The following KIF24 variants were observed in gnomAD, a reference collection of about 807,000 sequenced individuals.
KIF24 encodes the protein kinesin family member 24.
Under a neutral mutation model 118.9 loss-of-function variants are expected in KIF24, and 81 were observed. The ratio of observed to expected loss-of-function variants is 0.68; its 90% CI spans 0.57 to 0.82. The LOEUF is 0.82. Ranked by LOEUF, KIF24 falls within the 40% of genes least tolerant of loss-of-function variation. KIF24 has a pLI of 0.00. For synonymous variants in KIF24, 599 were observed against 610.0 expected, an observed-to-expected ratio of 0.98 and a Z score of 0.27; for missense variants, 1,560 against 1,661.6, an observed-to-expected ratio of 0.94 and a Z score of 1.06.
rs200870547 is a variant in KIF24, at chr9:34,270,915, T to A, written c.1337+894A>T. Among the ~76,000 whole-genome samples, 4 of 148,258 alleles carry A rather than the reference T, an allele frequency of 2.7e-5. No individual in the cohort carries two copies. The East Asian group carries it at 8.4e-4, about 31-fold the overall frequency. ...GACAGATGTCGCAGCCAGATCTCCC[T>A]CACATCCACCCTGTCTCTTAAAAAA... is the stretch of plus-strand genomic sequence containing the variant. On this transcript the variant is annotated intron_variant, in intron 7 of 12. Coordinates refer to ENST00000402558, the MANE Select transcript of KIF24 (RefSeq NM_194313.4).
chr9:34,291,118 G>C (rs1451832697), intron 4 of KIF24, among the ~76,000 whole-genome samples: 3 of 152,170 alleles, frequency 2.0e-5, no homozygotes, highest in Non-Finnish European at 4.4e-5. Flanking sequence ...AATAACAGGA[G>C]ATCATGTGAT....
At chr9:34,262,659 A>T (rs1216337505) in intron 9 of KIF24, among the ~76,000 whole-genome samples, 3 of 37,898 alleles carry the variant, frequency 7.9e-5, no homozygotes, top group Non-Finnish European at 1.6e-4. Flanking sequence ...AAAAAAAAAA[A>T]AAAAAAAAAA....
chr9:34,267,968 T>C (rs748108580), intron 8 of KIF24, among the ~76,000 whole-genome samples: 6 of 152,050 alleles, frequency 3.9e-5, no homozygotes, highest in Admixed American at 6.6e-5. Flanking sequence ...TACACTGATA[T>C]AGAAAAAATG....
chr9:34,308,725 T>C (rs1238724643), intron 2 of KIF24, among the ~76,000 whole-genome samples: 1 of 152,204 alleles, frequency 6.6e-6, no homozygotes, highest in African/African-American at 2.4e-5. Context: ...ATGACTCATA[T>C]GAACAAAAGG....
At position 34,300,214 on chromosome 9, in the gene KIF24, T is replaced by C. The variant is rs117040120; in HGVS notation, c.814-3100A>G. 6.5e-3 allele frequency among the ~76,000 whole-genome samples: 971 copies of C among 148,786 alleles called. 6 individuals are homozygous for C. Among genetic ancestry groups the C allele is most frequent in the Non-Finnish European group, 1.0e-2 (664 of 66,692 alleles). ...ATGAATCTGAAGAATAATAGATGTG[T>C]GAACTTTTAGTGCTTTGAAAAATGT... is the stretch of plus-strand genomic sequence containing the variant. On this transcript the variant is annotated intron_variant, in intron 3 of 12. Transcript: ENST00000402558.
intron 5 of KIF24, 22 bp from the exon 6 acceptor site, chr9:34,286,726 T>C (rs1204674736): frequency 1.3e-6 from 2 of 1,525,330 alleles, no homozygotes; most frequent in Non-Finnish European, 1.8e-6. Context: ...AGAAAGTGGT[T>C]GGTATGATGG....
At chr9:34,282,201 C>CA (rs540872406) in intron 6 of KIF24, among the ~76,000 whole-genome samples, 71 of 152,110 alleles carry the variant, frequency 4.7e-4, no homozygotes, top group South Asian at 1.5e-3. Context: ...TATTCAGCCA[C>CA]AAAAAGGAAT....
chr9:34,289,427 C>T (rs1836170700), intron 5 of KIF24, among the ~76,000 whole-genome samples: 1 of 152,152 alleles, frequency 6.6e-6, no homozygotes, highest in Non-Finnish European at 1.5e-5. Flanking sequence ...CCTAGTCTTC[C>T]AGGAGGCTCA....
At chr9:34,333,586 G>GC (rs1325137743), upstream of KIF24, among the ~76,000 whole-genome samples, 1 of 134,140 alleles carries the variant, frequency 7.5e-6, no homozygotes, top group African/African-American at 2.8e-5. Context: ...TCTTGAGGCT[G>GC]CAGTGAGCTG....
At chr9:34,310,339 T>C (rs1357473207) in intron 2 of KIF24, among the ~76,000 whole-genome samples, 1 of 152,214 alleles carries the variant, frequency 6.6e-6, no homozygotes, top group Admixed American at 6.5e-5. Context: ...GTGAATTTGA[T>C]AACCTTAAAA....
chr9:34,254,526 A>G lies in KIF24; in HGVS notation c.3967-6T>C. On this transcript the variant is annotated splice_polypyrimidine_tract_variant and splice_region_variant and intron_variant, in intron 12 of 12. Transcript: ENST00000402558. ...GTCACAAAATCTTCAAAATCCTGAGAAGGAAACAAGGGACGAATACAGCTT... is the reference window on the plus strand; with the variant it reads ...GTCACAAAATCTTCAAAATCCTGAGGAGGAAACAAGGGACGAATACAGCTT... The G allele has an allele frequency of 1.2e-6, 2 of 1,612,948 alleles. No individual in the cohort carries two copies. The highest frequency in any genetic ancestry group is 1.7e-6 in the Non-Finnish European group (2 of 1,179,492).
At chr9:34,307,524 A>ATT (rs749275923) in intron 2 of KIF24, among the ~76,000 whole-genome samples, 1 of 152,176 alleles carries the variant, frequency 6.6e-6, no homozygotes, top group Non-Finnish European at 1.5e-5. Flanking sequence ...AAAATGCATC[A>ATT]TTTTTGCATG....
At chr9:34,305,181 T>C (rs930571296) in intron 3 of KIF24, among the ~76,000 whole-genome samples, 11 of 152,340 alleles carry the variant, frequency 7.2e-5, no homozygotes, top group Admixed American at 5.9e-4. Context: ...TTTCTTTCAA[T>C]ACCAAACTCT....
chr9:34,269,160 G>C, intron 8 of KIF24, 97 bp downstream of exon 8: 2 of 668,302 alleles, frequency 3.0e-6, no homozygotes, highest in Admixed American at 4.8e-5. Flanking sequence ...CAGGGCAGTT[G>C]CTTTGCTGAT....
chr9:34,271,673 G>C (rs1368806112), intron 7 of KIF24, 136 bp downstream of exon 7: 1 of 854,888 alleles, frequency 1.2e-6, no homozygotes, highest in Non-Finnish European at 1.8e-6. Flanking sequence ...ATTTATTTCA[G>C]GGCTAACAAC....
chr9:34,326,644 T>C (rs1379647927), intron 1 of KIF24, among the ~76,000 whole-genome samples: 2 of 152,034 alleles, frequency 1.3e-5, no homozygotes, highest in East Asian at 3.9e-4. Flanking sequence ...GAAATGAGCA[T>C]GGCAAAATCA....
chr9:34,293,736 A>G (rs979820376), intron 4 of KIF24, among the ~76,000 whole-genome samples: 18 of 152,312 alleles, frequency 1.2e-4, no homozygotes, highest in Non-Finnish European at 2.2e-4. Flanking sequence ...ACATCGCGCC[A>G]CTGCACTCCA....
chr9:34,287,476 C>A (rs1429305336), intron 5 of KIF24, among the ~76,000 whole-genome samples: 1 of 152,128 alleles, frequency 6.6e-6, no homozygotes, highest in Admixed American at 6.5e-5. Context: ...AAACCAGATC[C>A]ACTGAGAGGC....
chr9:34,257,580 C>T lies in KIF24; in HGVS notation c.2027G>A (p.Gly676Asp), dbSNP rs1157344799. 1.9e-6 allele frequency: 3 copies of T among 1,614,086 alleles called. No individual in the cohort carries two copies. The highest frequency in any genetic ancestry group is 1.7e-6 in the Non-Finnish European group (2 of 1,179,912). Residue 676 changes from glycine (G) to aspartate (D), a missense_variant, in exon 11 of 13, where the codon GGC becomes GAC. Gly to Asp is a moderately conservative substitution (Grantham distance 94). Coordinates refer to ENST00000402558, the MANE Select transcript of KIF24 (RefSeq NM_194313.4). ...APLCSEKNRM[G>D]NKTVLGWESR... ...TTCCCACCCAAGGACAGTTTTGTTGCCCATTCGATTTTTCTCAGAGCACAA... is the reference window on the plus strand; with the variant it reads ...TTCCCACCCAAGGACAGTTTTGTTGTCCATTCGATTTTTCTCAGAGCACAA...
Sources: allele counts gnomAD v4.1 joint callset (sites outside exome capture counted in the v4.1 genomes callset), GRCh38; gene constraint gnomAD v4.1.1; transcripts MANE v1.5; gene names NCBI Gene and HGNC (gene_info 2026-07-23, HGNC 2026-07-21).